Variants in NXN observed in about 807,000 individuals in gnomAD.
The protein encoded by NXN is nucleoredoxin, also known as nucleoredoxin 1.
Under a neutral mutation model 48.6 loss-of-function variants are expected in NXN, and 16 were observed. The ratio of observed to expected loss-of-function variants is 0.33; its 90% confidence interval spans 0.22 to 0.50. NXN has a LOEUF of 0.50. Ranked by LOEUF, NXN falls within the 20% of genes least tolerant of loss-of-function variation. The pLI, the probability that NXN is intolerant of heterozygous loss-of-function variation, is 0.98. For synonymous variants in NXN, 281 were observed against 269.6 expected (o/e 1.04, Z -0.41); for missense variants, 492 against 605.5 (o/e 0.81, Z 1.97).
chr17:928,040 T>C (rs1034709775), intron 1 of NXN, among the ~76,000 whole-genome samples: 8 of 151,886 alleles, frequency 5.3e-5, no homozygotes, highest in African/African-American at 1.9e-4. Flanking sequence ...TGAAGAGGAC[T>C]CTGGCCAAGA....
chr17:946,879 C>T (rs1282422256), intron 1 of NXN, among the ~76,000 whole-genome samples: 4 of 152,190 alleles, frequency 2.6e-5, no homozygotes, highest in African/African-American at 7.2e-5. Flanking sequence ...GTCCCTGGCA[C>T]GGGGAGGTTG....
At chr17:906,636 G>A (rs1396479740) in intron 1 of NXN, among the ~76,000 whole-genome samples, 3 of 150,574 alleles carry the variant, frequency 2.0e-5, no homozygotes, top group South Asian at 2.1e-4. Context: ...CTGCAATCTC[G>A]GCTCCCTGCA....
intron 1 of NXN, among the ~76,000 whole-genome samples, chr17:938,950 G>A (rs905194507): frequency 8.6e-5 from 13 of 151,758 alleles, no homozygotes; most frequent in African/African-American, 1.2e-4. Context: ...TACACGGGAC[G>A]CTGAGGCAGG....
intron 1 of NXN, among the ~76,000 whole-genome samples, chr17:948,416 G>A (rs2069069943): frequency 6.6e-6 from 1 of 152,142 alleles, no homozygotes; most frequent in Admixed American, 6.6e-5. Flanking sequence ...CGGGTTATAT[G>A]TAAATGCTAT....
intron 1 of NXN, among the ~76,000 whole-genome samples, chr17:846,947 A>G (rs571252119): frequency 6.6e-6 from 1 of 152,216 alleles, no homozygotes; most frequent in Admixed American, 6.5e-5. Context: ...TATCCCACAT[A>G]GTCAAATCAT....
rs1876776 is a variant in NXN, at chr17:928,460, C to T, written c.360+50859G>A. On this transcript the variant is annotated intron_variant, in intron 1 of 7. Transcript: ENST00000336868. Reference sequence around the variant, plus strand: ...TGGATTAGTGGATGAATACCATTAACCTAGAGGGAAGTTTCTCACTGTGTT... The same window carrying T: ...TGGATTAGTGGATGAATACCATTAATCTAGAGGGAAGTTTCTCACTGTGTT... 5.4e-3 allele frequency among the ~76,000 whole-genome samples: 827 copies of T among 152,282 alleles called. 26 individuals are homozygous for T. Among genetic ancestry groups the T allele is most frequent in the Admixed American group, 0.044 (669 of 15,290 alleles).
intron 1 of NXN, among the ~76,000 whole-genome samples, chr17:882,542 T>G (rs1267394018): frequency 2.0e-5 from 3 of 152,070 alleles, no homozygotes; most frequent in African/African-American, 7.2e-5. Context: ...CTCGGCTCAC[T>G]GCAAGCTCCG....
At chr17:865,212 T>C (rs1411838369) in intron 1 of NXN, among the ~76,000 whole-genome samples, 1 of 151,404 alleles carries the variant, frequency 6.6e-6, no homozygotes, top group Non-Finnish European at 1.5e-5. Flanking sequence ...AGGGAAACTA[T>C]TGGTATTACA....
chr17:969,531 G>A (rs2069347122), intron 1 of NXN, among the ~76,000 whole-genome samples: 3 of 152,140 alleles, frequency 2.0e-5, no homozygotes, highest in African/African-American at 4.8e-5. Flanking sequence ...ACGCCTATTC[G>A]GGGCTCCGGC....
intron 1 of NXN, among the ~76,000 whole-genome samples, chr17:946,669 C>T (rs1015586346): frequency 3.9e-5 from 6 of 152,314 alleles, no homozygotes; most frequent in Non-Finnish European, 8.8e-5. Flanking sequence ...TTAGCCTCGG[C>T]GCCTCACAGG....
intron 1 of NXN, among the ~76,000 whole-genome samples, chr17:854,413 C>T (rs2067961990): frequency 6.6e-6 from 1 of 151,532 alleles, no homozygotes; most frequent in Admixed American, 6.6e-5. Flanking sequence ...CTTTGGGAGG[C>T]TGAGGCGGGC....
At chr17:915,902 C>T (rs1296620095) in intron 1 of NXN, among the ~76,000 whole-genome samples, 1 of 101,272 alleles carries the variant, frequency 9.9e-6, no homozygotes, top group Non-Finnish European at 1.9e-5. Context: ...TCCCCCTCTC[C>T]CAGTTCTTTT....
chr17:918,223 T>C (rs1019065295), intron 1 of NXN, among the ~76,000 whole-genome samples: 1 of 152,198 alleles, frequency 6.6e-6, no homozygotes, highest in Non-Finnish European at 1.5e-5. Context: ...GTGCTGGGCC[T>C]GGCCGTTGTG....
intron 1 of NXN, among the ~76,000 whole-genome samples, chr17:962,004 G>A (rs920821298): frequency 9.9e-5 from 15 of 151,618 alleles, no homozygotes; most frequent in Non-Finnish European, 1.9e-4. Context: ...GCGTGGTGGC[G>A]CGTGCCTGTA....
At chr17:904,549 CTTGT>C (rs1299904892) in intron 1 of NXN, among the ~76,000 whole-genome samples, 3 of 152,076 alleles carry the variant, frequency 2.0e-5, no homozygotes, top group Non-Finnish European at 4.4e-5. Flanking sequence ...TTTTCGTTTA[CTTGT>C]TTGTTTTTGA....
chr17:930,653 G>A (rs1234902270), intron 1 of NXN, among the ~76,000 whole-genome samples: 2 of 152,014 alleles, frequency 1.3e-5, no homozygotes, highest in African/African-American at 2.4e-5. Context: ...AGACACCAAC[G>A]TTCCCAAAGT....
At chr17:925,782 C>T (rs781327165) in intron 1 of NXN, among the ~76,000 whole-genome samples, 14 of 152,214 alleles carry the variant, frequency 9.2e-5, no homozygotes, top group East Asian at 1.9e-4. Context: ...CTCATACAAA[C>T]GTTGCCCTGG....
intron 1 of NXN, among the ~76,000 whole-genome samples, chr17:912,121 G>A (rs2068642497): frequency 2.0e-5 from 3 of 151,800 alleles, no homozygotes. Context: ...TATTTTTAGT[G>A]GAGATGGGGT....
intron 1 of NXN, chr17:905,094 A>G (rs2068570770): frequency 6.6e-6 from 1 of 152,202 alleles, no homozygotes; most frequent in Admixed American, 6.6e-5. Flanking sequence ...AGGCTATGTC[A>G]TTAAAATCAC....
Sources: allele counts gnomAD v4.1 joint callset (sites outside exome capture counted in the v4.1 genomes callset), GRCh38; gene constraint gnomAD v4.1.1; transcripts MANE v1.5; gene names NCBI Gene and HGNC (gene_info 2026-07-23, HGNC 2026-07-21).